The following ADCY9 variants were observed in gnomAD, a reference collection of about 807,000 sequenced individuals.
ADCY9 encodes adenylate cyclase type 9.
ADCY9 carries 50 observed loss-of-function variants against 101.5 expected under a neutral mutation model. The observed-to-expected ratio is 0.49, with a 90% CI of 0.39 to 0.62. ADCY9 has a LOEUF of 0.62. ADCY9 is among the 20% of genes least tolerant of loss of function. ADCY9 has a pLI of 0.00. For missense variants in ADCY9, 1,662 were observed against 1,800.4 expected (o/e 0.92, Z 1.39); for synonymous variants, 905 against 769.3 (o/e 1.18, Z -2.92).
At chr16:4,086,326 A>C (rs2056938377) in intron 2 of ADCY9, among the ~76,000 whole-genome samples, 1 of 152,134 alleles carries the variant, frequency 6.6e-6, no homozygotes, top group African/African-American at 2.4e-5. Flanking sequence ...GCCACATGCC[A>C]TGTACTACGT....
chr16:4,043,953 T>C (rs1290444428), intron 2 of ADCY9, among the ~76,000 whole-genome samples: 1 of 152,232 alleles, frequency 6.6e-6, no homozygotes, highest in Admixed American at 6.5e-5. Flanking sequence ...TTTTGTTGTT[T>C]TTTTATTTTT....
chr16:4,096,595 T>C (rs750154141), intron 2 of ADCY9, among the ~76,000 whole-genome samples: 3 of 152,148 alleles, frequency 2.0e-5, no homozygotes. Flanking sequence ...CCTTTCCTTA[T>C]GGGAAAAAGA....
At chr16:4,108,808 C>A (rs1189615788) in intron 2 of ADCY9, among the ~76,000 whole-genome samples, 8 of 150,756 alleles carry the variant, frequency 5.3e-5, no homozygotes, top group Non-Finnish European at 2.9e-5. Flanking sequence ...CAGGTTCAAG[C>A]AATTCTCCTG....
At chr16:3,985,289 G>A (rs896703761) in intron 6 of ADCY9, among the ~76,000 whole-genome samples, 33 of 152,074 alleles carry the variant, frequency 2.2e-4, no homozygotes, top group African/African-American at 6.7e-4. Flanking sequence ...ACAGGCACCC[G>A]CCACCACGCC....
chr16:4,112,788 A>G (rs1357607823), intron 2 of ADCY9, among the ~76,000 whole-genome samples: 3 of 152,202 alleles, frequency 2.0e-5, no homozygotes, highest in South Asian at 2.1e-4. Context: ...TGAAGATTTT[A>G]GTAAAACATA....
In ADCY9 at chr16:4,084,245, G is replaced by T. The variant is rs34040332; in HGVS notation, c.1693+29505C>A. On this transcript the variant is annotated intron_variant, in intron 2 of 10. Transcript: ENST00000294016. ...TCCTGCCTCAGCCTCCCAAGTAGCTGGGATTACAGGCACCCACCACCACGC... is the reference window on the plus strand; with the variant it reads ...TCCTGCCTCAGCCTCCCAAGTAGCTTGGATTACAGGCACCCACCACCACGC... Among the ~76,000 whole-genome samples the T allele has an allele frequency of 5.9e-5, 9 of 151,602 alleles. No individual in the cohort carries two copies. The East Asian group carries it at 1.8e-3, about 30-fold the overall frequency.
intron 3 of ADCY9, among the ~76,000 whole-genome samples, chr16:3,996,420 T>C (rs1294473585): frequency 4.6e-5 from 7 of 152,164 alleles, no homozygotes; most frequent in Non-Finnish European, 1.0e-4. Flanking sequence ...ACTGCTCTTA[T>C]TAAATGTAAA....
At chr16:4,038,377 G>A (rs1255922675) in intron 2 of ADCY9, among the ~76,000 whole-genome samples, 1 of 152,074 alleles carries the variant, frequency 6.6e-6, no homozygotes, top group Non-Finnish European at 1.5e-5. Context: ...AATACGAGAG[G>A]GCTTAGGGGT....
intron 2 of ADCY9, among the ~76,000 whole-genome samples, chr16:4,031,080 T>A (rs8052716): frequency 0.025 from 3,763 of 152,264 alleles, 165 homozygotes; most frequent in African/African-American, 0.085. Flanking sequence ...TAGGAAAAGA[T>A]CATCCCTGAT....
chr16:4,012,965 A>G (rs966165288), intron 2 of ADCY9, among the ~76,000 whole-genome samples: 10 of 151,924 alleles, frequency 6.6e-5, no homozygotes, highest in Admixed American at 2.0e-4. Flanking sequence ...ACAGAAAGAG[A>G]ACAACAGCGA....
At chr16:4,107,635 G>A (rs540920090) in intron 2 of ADCY9, among the ~76,000 whole-genome samples, 154 of 149,764 alleles carry the variant, frequency 1.0e-3, no homozygotes, top group African/African-American at 3.5e-3. Flanking sequence ...CTCTGCTAAC[G>A]GGTTAGCATC....
intron 2 of ADCY9, among the ~76,000 whole-genome samples, chr16:4,037,710 G>C (rs746062214): frequency 3.3e-5 from 5 of 152,172 alleles, no homozygotes; most frequent in Non-Finnish European, 7.3e-5. Flanking sequence ...ATTTCTCTGT[G>C]ATGAGTGATG....
Position 3,963,448 on chromosome 16 carries a change from T to C in ADCY9, c.*2327A>G. 2.5e-6 allele frequency: 1 copy of C among 397,652 alleles called. No individual in the cohort carries two copies. The highest frequency in any genetic ancestry group is 4.4e-6 in the Non-Finnish European group (1 of 225,284). The allele number at this position is 397,652 out of a possible 1,614,324, so 24.6% of individuals were successfully genotyped here. A position where few individuals can be genotyped will look rare whatever the true frequency, so the allele number is the denominator to read the frequency against. On this transcript the variant is annotated 3_prime_UTR_variant, in exon 11 of 11. Transcript: ENST00000294016. ...AGGGGACGGGGAGGACCCGAGGGGC[T>C]TCGTGGCCCAGAGAGAACGTCTGCA...
At chr16:4,073,244 G>C (rs557454353) in intron 2 of ADCY9, among the ~76,000 whole-genome samples, 1 of 142,386 alleles carries the variant, frequency 7.0e-6, no homozygotes, top group Non-Finnish European at 1.5e-5. Context: ...ACAGGCATGC[G>C]CCACCATGCC....
chr16:4,031,701 T>C (rs996415893), intron 2 of ADCY9, among the ~76,000 whole-genome samples: 1 of 151,166 alleles, frequency 6.6e-6, no homozygotes, highest in African/African-American at 2.4e-5. Flanking sequence ...CTGGGTAACA[T>C]GGCGAAACCA....
At chr16:3,980,632 A>AT (rs2056133540) in intron 7 of ADCY9, among the ~76,000 whole-genome samples, 1 of 152,172 alleles carries the variant, frequency 6.6e-6, no homozygotes, top group African/African-American at 2.4e-5. Context: ...AGGCGAGGGA[A>AT]CGCTCACTCT....
At chr16:4,027,541 A>AG (rs915108484) in intron 2 of ADCY9, among the ~76,000 whole-genome samples, 15 of 152,224 alleles carry the variant, frequency 9.9e-5, no homozygotes, top group African/African-American at 3.4e-4. Context: ...CCATGACGGC[A>AG]GGGAAGAGAG....
At chr16:4,113,179 A>G (rs1331181116) in intron 2 of ADCY9, among the ~76,000 whole-genome samples, 1 of 152,054 alleles carries the variant, frequency 6.6e-6, no homozygotes, top group Non-Finnish European at 1.5e-5. Flanking sequence ...TTTTAAAAAA[A>G]AAAAAAGACC....
At chr16:4,040,567 C>A (rs1338809009) in intron 2 of ADCY9, among the ~76,000 whole-genome samples, 1 of 152,026 alleles carries the variant, frequency 6.6e-6, no homozygotes, top group African/African-American at 2.4e-5. Flanking sequence ...TGCGATCCTC[C>A]CACTTCGGCC....
Sources: allele counts gnomAD v4.1 joint callset (sites outside exome capture counted in the v4.1 genomes callset), GRCh38; gene constraint gnomAD v4.1.1; transcripts MANE v1.5; gene names NCBI Gene and HGNC (gene_info 2026-07-23, HGNC 2026-07-21).